The following TACC2 variants were observed in gnomAD, a reference collection of about 807,000 sequenced individuals.
TACC2 encodes transforming acidic coiled-coil containing protein 2.
A neutral mutation model predicts 227.3 loss-of-function variants in TACC2; 137 were observed. The observed-to-expected ratio is 0.60, with a 90% CI of 0.52 to 0.69. The LOEUF (loss-of-function observed/expected upper bound fraction) is 0.69. TACC2 is among the 30% of genes least tolerant of loss of function. The probability of loss-of-function intolerance (pLI) is 0.00; values close to 1 mark genes in which losing one functional copy is unlikely to be tolerated. For missense variants in TACC2, 3,470 were observed against 3,694.4 expected (o/e 0.94, Z 1.57); for synonymous variants, 1,523 against 1,487.5 (o/e 1.02, Z -0.55).
chr10:122,125,770 T>G (rs968567327), intron 5 of TACC2, among the ~76,000 whole-genome samples: 1 of 109,808 alleles, frequency 9.1e-6, no homozygotes, highest in African/African-American at 2.7e-5. Context: ...CTACACAATA[T>G]CCTTCCTTTT....
At chr10:122,047,909 G>GT (rs1358591899) in intron 2 of TACC2, among the ~76,000 whole-genome samples, 2 of 152,174 alleles carry the variant, frequency 1.3e-5, no homozygotes, top group African/African-American at 4.8e-5. Flanking sequence ...GCACTAGACT[G>GT]TATGGGTACC....
Position 122,211,423 on chromosome 10 carries a change from G to A in TACC2, c.6998G>A (p.Gly2333Asp), listed in dbSNP as rs954043928. The change falls in exon 9 of 23, where the codon GGT (glycine) becomes GAT (aspartate). Residue 2333 changes from glycine (G) to aspartate (D), a missense_variant. Around this residue, in one of 10 missense-constraint regions of TACC2, gnomAD observed 593 missense variants for 636.6 expected, o/e 0.93. Coordinates refer to ENST00000369005, the MANE Select transcript of TACC2 (RefSeq NM_206862.4). ...AEPNDIPIAKGTYTFDIDKWD... is the reference protein window; with the variant it reads ...AEPNDIPIAKDTYTFDIDKWD... ...CCCAATGACATCCCCATTGCTAAAG[G>A]TACTTACACCTTTGATATTGACAAG... The A allele has an allele frequency of 1.9e-6, 3 of 1,613,980 alleles. No homozygotes were observed. The highest frequency in any genetic ancestry group is 1.1e-5 in the South Asian group (1 of 91,060).
rs1013158232 is a variant in TACC2, at chr10:122,216,612, C to A, written c.7345-15C>A. The A allele has an allele frequency of 1.9e-6, 3 of 1,611,044 alleles. No homozygotes were observed. Among genetic ancestry groups the A allele is most frequent in the African/African-American group, 2.7e-5 (2 of 74,718 alleles). On this transcript the variant is annotated splice_polypyrimidine_tract_variant and intron_variant, in intron 10 of 22. Transcript: ENST00000369005. Reference sequence around the variant, plus strand: ...AGTCTGATGAGACAAGAAACAGTTTCTCTTCTCTTTGCAGGACCCCACCCC... The same window carrying A: ...AGTCTGATGAGACAAGAAACAGTTTATCTTCTCTTTGCAGGACCCCACCCC...
At chr10:122,107,852 C>T (rs1195590927) in intron 5 of TACC2, among the ~76,000 whole-genome samples, 5 of 146,682 alleles carry the variant, frequency 3.4e-5, no homozygotes, top group Non-Finnish European at 6.0e-5. Context: ...CCCCAAGACC[C>T]CAAAGTCCAT....
intron 2 of TACC2, among the ~76,000 whole-genome samples, chr10:122,032,687 C>A (rs75670246): frequency 6.6e-6 from 1 of 151,992 alleles, no homozygotes; most frequent in Non-Finnish European, 1.5e-5. Context: ...TGGCCAGGCA[C>A]GGTGGCTCAC....
chr10:122,085,613 G>T lies in TACC2; in HGVS notation c.3113G>T (p.Gly1038Val). ...WGLSKREMASGNTGEAPPCQP... is the reference protein window; with the variant it reads ...WGLSKREMASVNTGEAPPCQP... ...TTGAGTAAGAGGGAGATGGCAAGTG[G>T]AAACACAGGGGAGGCCCCACCTTGT... The change falls in exon 4 of 23, where the codon GGA (glycine) becomes GTA (valine). Residue 1038 changes from glycine (G) to valine (V), a missense_variant. Physicochemically the swap from Gly to Val is moderately radical, Grantham distance 109 (BLOSUM62 -3). Around this residue, in one of 10 missense-constraint regions of TACC2, gnomAD observed 1,924 missense variants for 1,978.3 expected, o/e 0.97. Coordinates refer to ENST00000369005, the MANE Select transcript of TACC2 (RefSeq NM_206862.4). The T allele has an allele frequency of 6.2e-7, 1 of 1,613,376 alleles. No individual in the cohort carries two copies. Among genetic ancestry groups the T allele is most frequent in the Non-Finnish European group, 8.5e-7 (1 of 1,180,042 alleles).
At chr10:122,041,200 T>G (rs898670108) in intron 2 of TACC2, among the ~76,000 whole-genome samples, 1 of 152,334 alleles carries the variant, frequency 6.6e-6, no homozygotes, top group African/African-American at 2.4e-5. Context: ...TGTGCACATC[T>G]TGTTTAAAGC....
At chr10:122,115,907 A>G (rs182374479) in intron 5 of TACC2, among the ~76,000 whole-genome samples, 100 of 152,256 alleles carry the variant, frequency 6.6e-4, no homozygotes, top group Non-Finnish European at 5.9e-5. Context: ...ATCAGTAACT[A>G]GTGCTGGCTA....
chr10:122,101,485 C>G (rs1252553184), intron 5 of TACC2, among the ~76,000 whole-genome samples: 1 of 151,218 alleles, frequency 6.6e-6, no homozygotes, highest in East Asian at 2.0e-4. Flanking sequence ...TTTGGGAGGC[C>G]AAGGCTGGAG....
chr10:122,110,003 T>C (rs1245013710), intron 5 of TACC2, among the ~76,000 whole-genome samples: 6 of 152,216 alleles, frequency 3.9e-5, no homozygotes, highest in Non-Finnish European at 7.3e-5. Context: ...CTTAAAGATA[T>C]GACAAAAGTC....
Position 122,180,354 on chromosome 10 carries a change from T to G in TACC2, c.5835-14686T>G, listed in dbSNP as rs200951488. 0.012 allele frequency among the ~76,000 whole-genome samples: 1,798 copies of G among 150,846 alleles called. 31 individuals carry two copies. The highest frequency in any genetic ancestry group is 0.039 in the East Asian group (198 of 5,098). The stretch of plus-strand genomic sequence containing the variant: ...CCCCCCAGTTCTTTTTTTTTTTTTT[T>G]GGGTTAATAGTCTGGCTTTGTCGCC... On this transcript the variant is annotated intron_variant, in intron 7 of 22. Transcript: ENST00000369005. This position sits in a 1 kb window ranked among gnomAD's most constrained non-coding sequence, Gnocchi z 4.5.
chr10:122,068,945 G>A (rs1270671033), intron 3 of TACC2, among the ~76,000 whole-genome samples: 1 of 132,730 alleles, frequency 7.5e-6, no homozygotes, highest in Non-Finnish European at 1.6e-5. Flanking sequence ...TGATCCACCC[G>A]CCTCAGCCTC....
intron 22 of TACC2, among the ~76,000 whole-genome samples, chr10:122,252,908 A>C (rs1324338785): frequency 6.6e-6 from 1 of 152,218 alleles, no homozygotes; most frequent in Non-Finnish European, 1.5e-5. Context: ...AATTTGAGCC[A>C]GGAGGTGGGC....
At chr10:122,068,387 T>C (rs951518817) in intron 3 of TACC2, among the ~76,000 whole-genome samples, 6 of 152,220 alleles carry the variant, frequency 3.9e-5, no homozygotes, top group African/African-American at 1.4e-4. Flanking sequence ...CTGTGGACTT[T>C]AAGCTTTTTG....
chr10:122,004,397 CAAAA>C (rs140584119), intron 1 of TACC2, among the ~76,000 whole-genome samples: 21,815 of 104,182 alleles, frequency 0.21, 1,902 homozygotes, highest in Admixed American at 0.31. Context: ...GACTCTGTCT[CAAAA>C]AAAAAAAAAA....
intron 14 of TACC2, 133 bp downstream of exon 14, chr10:122,228,141 C>A: frequency 2.3e-6 from 2 of 863,286 alleles, no homozygotes; most frequent in Non-Finnish European, 3.5e-6. Flanking sequence ...GACTCCCTGA[C>A]CACAGAAGCC....
chr10:122,092,411 C>T (rs1191131469), intron 5 of TACC2, among the ~76,000 whole-genome samples: 1 of 152,044 alleles, frequency 6.6e-6, no homozygotes, highest in Non-Finnish European at 1.5e-5. Context: ...AAAGCAAAAC[C>T]AAGTTTTCTA....
chr10:122,249,262 G>A, intron 21 of TACC2, 106 bp downstream of exon 21: 2 of 835,026 alleles, frequency 2.4e-6, no homozygotes, highest in Non-Finnish European at 3.9e-6. Context: ...TTGGAAAGGG[G>A]GCATCATCCA....
intron 7 of TACC2, among the ~76,000 whole-genome samples, chr10:122,190,462 G>A (rs2094369712): frequency 6.6e-6 from 1 of 152,130 alleles, no homozygotes; most frequent in African/African-American, 2.4e-5. Flanking sequence ...GTACACAGTC[G>A]AGGAGCTCGG....
Sources: gnomAD v4.1 joint callset for allele counts (sites outside exome capture counted in the v4.1 genomes callset) on GRCh38, gnomAD v4.1.1 for gene constraint, gnomAD v4.1.1 regional missense constraint, Gnocchi (gnomAD v3.1) non-coding constraint, MANE v1.5 for transcripts, NCBI Gene and HGNC (gene_info 2026-07-23, HGNC 2026-07-21) for gene names.